RUNX1: variants seen among roughly 807,000 people sequenced by gnomAD.
RUNX1 encodes RUNX family transcription factor 1, also known as runt-related transcription factor 1.
In RUNX1, 19 loss-of-function variants were observed where a neutral mutation model predicts 42.8. The ratio of observed to expected loss-of-function variants is 0.44; its 90% CI spans 0.31 to 0.65. The LOEUF (loss-of-function observed/expected upper bound fraction) is 0.65, where lower values mean the gene tolerates loss of function less well. RUNX1 is among the 30% of genes least tolerant of loss of function. RUNX1 has a pLI of 0.07. For synonymous variants in RUNX1, 271 were observed against 289.4 expected (o/e 0.94, Z 0.64); for missense variants, 528 against 672.0 (o/e 0.79, Z 2.37).
chr21:34,870,311 A>G (rs746374707), intron 5 of RUNX1, among the ~76,000 whole-genome samples: 28 of 152,220 alleles, frequency 1.8e-4, no homozygotes, highest in Admixed American at 2.6e-4. Flanking sequence ...CAGGTAATCA[A>G]TCCTCATTGT....
chr21:34,837,628 A>G (rs944166686), intron 6 of RUNX1, among the ~76,000 whole-genome samples: 1 of 152,170 alleles, frequency 6.6e-6, no homozygotes, highest in Non-Finnish European at 1.5e-5. Flanking sequence ...GAGTATGGAA[A>G]ATGTCTACTA....
At chr21:34,887,568 G>T in intron 3 of RUNX1, 4 of 1,126,236 alleles carry the variant, frequency 3.6e-6, no homozygotes, top group Non-Finnish European at 4.4e-6. Context: ...GGTGAGTTTT[G>T]TCTAAAGTCC....
chr21:34,991,138 G>A lies in RUNX1; in HGVS notation c.58+57704C>T, dbSNP rs144959670. Among the ~76,000 whole-genome samples, 414 of 152,278 alleles carry A rather than the reference G, an allele frequency of 2.7e-3. 4 individuals are homozygous for A. The highest frequency in any genetic ancestry group is 9.6e-3 in the African/African-American group (399 of 41,550). On this transcript the variant is annotated intron_variant, in intron 2 of 8. Coordinates refer to ENST00000675419, the MANE Select transcript of RUNX1 (RefSeq NM_001754.5). Reference sequence around the variant, plus strand: ...CTCCACTGCTGCGCTGGCGAAGACCGGGGCCCAGCCTCTGTGGTTCCACCT... The same window carrying A: ...CTCCACTGCTGCGCTGGCGAAGACCAGGGCCCAGCCTCTGTGGTTCCACCT...
At chr21:34,882,036 G>C (rs78498535) in intron 4 of RUNX1, among the ~76,000 whole-genome samples, 3,911 of 152,180 alleles carry the variant, frequency 0.026, 140 homozygotes, top group African/African-American at 0.088. Context: ...TTTTGAATTG[G>C]TAACAGTAAA....
intron 7 of RUNX1, among the ~76,000 whole-genome samples, chr21:34,826,885 A>G (rs1168927985): frequency 6.6e-6 from 1 of 152,254 alleles, no homozygotes; most frequent in African/African-American, 2.4e-5. Context: ...GGAACTGTAT[A>G]ACCGTGAAGG....
intron 2 of RUNX1, among the ~76,000 whole-genome samples, chr21:34,933,179 G>C (rs1478321324): frequency 6.6e-6 from 1 of 152,142 alleles, no homozygotes; most frequent in Non-Finnish European, 1.5e-5. Flanking sequence ...ATTAGTGGTT[G>C]GGAACATCTC....
chr21:34,817,886 T>C (rs1236118820), intron 7 of RUNX1, among the ~76,000 whole-genome samples: 2 of 152,202 alleles, frequency 1.3e-5, no homozygotes, highest in Non-Finnish European at 2.9e-5. Context: ...GGCCGCCTCA[T>C]GTCAGGGCCT....
intron 7 of RUNX1, among the ~76,000 whole-genome samples, chr21:34,806,863 A>G (rs1043434612): frequency 2.0e-5 from 3 of 152,238 alleles, no homozygotes; most frequent in Non-Finnish European, 4.4e-5. Flanking sequence ...ACATACTTCT[A>G]CATTAGACAT....
rs1025907074 is a variant in RUNX1 at position 34,887,555 on chromosome 21, G to C, written c.98-459C>G. On this transcript the variant is annotated intron_variant, in intron 3 of 8. Transcript: ENST00000675419. The stretch of plus-strand genomic sequence containing the variant: ...AGTAGTTAATGCCTGTCAGTTTTTT[G>C]CAGGTGAGTTTTGTCTAAAGTCCCA... 2.2e-4 allele frequency: 253 copies of C among 1,128,138 alleles called. 4 individuals are homozygous for C. The Admixed American group carries it at 9.9e-3, about 44-fold the overall frequency. The allele number at this position is 1,128,138 out of a possible 1,614,324, so 69.9% of individuals were successfully genotyped here.
intron 2 of RUNX1, among the ~76,000 whole-genome samples, chr21:34,987,942 G>A (rs1404288557): frequency 2.6e-5 from 4 of 152,172 alleles, no homozygotes; most frequent in East Asian, 1.9e-4. Context: ...CTGAAATCAC[G>A]GAGATTCTTA....
chr21:34,822,671 G>A (rs1032305766), intron 7 of RUNX1, among the ~76,000 whole-genome samples: 2 of 152,216 alleles, frequency 1.3e-5, no homozygotes, highest in Non-Finnish European at 2.9e-5. Context: ...AGATGAGAGA[G>A]CTAAATAAAC....
At chr21:35,047,547 A>ACCCT (rs1568814239) in intron 2 of RUNX1, among the ~76,000 whole-genome samples, 1 of 123,234 alleles carries the variant, frequency 8.1e-6, no homozygotes, top group Non-Finnish European at 1.7e-5. Context: ...ACACACACAC[A>ACCCT]CACACACACA....
intron 2 of RUNX1, among the ~76,000 whole-genome samples, chr21:34,913,614 C>T (rs9984470): frequency 0.14 from 20,603 of 152,180 alleles, 1,944 homozygotes; most frequent in African/African-American, 0.27. Flanking sequence ...GCATACTTTG[C>T]ACCACCCTAT....
intron 6 of RUNX1, among the ~76,000 whole-genome samples, chr21:34,842,808 C>A (rs1027160919): frequency 3.3e-5 from 5 of 152,078 alleles, no homozygotes; most frequent in African/African-American, 1.2e-4. Flanking sequence ...GTGGCTCATG[C>A]CTGTAATCCC....
chr21:35,047,168 A>G (rs2147033645), intron 2 of RUNX1, among the ~76,000 whole-genome samples: 1 of 152,324 alleles, frequency 6.6e-6, no homozygotes, highest in Middle Eastern at 3.4e-3. Flanking sequence ...TTGATAAAAT[A>G]GGAAACAATA....
intron 7 of RUNX1, among the ~76,000 whole-genome samples, chr21:34,818,914 G>A (rs2056869357): frequency 6.6e-6 from 1 of 152,152 alleles, no homozygotes; most frequent in African/African-American, 2.4e-5. Flanking sequence ...TGTTTTGAAG[G>A]GACTGCTCAG....
intron 7 of RUNX1, among the ~76,000 whole-genome samples, chr21:34,805,440 C>A (rs2056666206): frequency 6.6e-6 from 1 of 151,984 alleles, no homozygotes; most frequent in Admixed American, 6.6e-5. Context: ...TGCAAAAAAC[C>A]AAAGAGAAGA....
At chr21:34,866,660 T>G (rs1601487254) in intron 5 of RUNX1, among the ~76,000 whole-genome samples, 1 of 152,230 alleles carries the variant, frequency 6.6e-6, no homozygotes, top group African/African-American at 2.4e-5. Context: ...AGTTGTATAA[T>G]TAATTTATTT....
chr21:34,931,439 T>C (rs941171468), intron 2 of RUNX1, among the ~76,000 whole-genome samples: 5 of 146,276 alleles, frequency 3.4e-5, no homozygotes, highest in Non-Finnish European at 7.4e-5. Context: ...TATAAATGTA[T>C]ACAATATATT....
Sources: allele counts gnomAD v4.1 joint callset (sites outside exome capture counted in the v4.1 genomes callset), GRCh38; gene constraint gnomAD v4.1.1; transcripts MANE v1.5; gene names NCBI Gene and HGNC (gene_info 2026-07-23, HGNC 2026-07-21).